The following HS2ST1 variants were observed in gnomAD, a reference collection of about 807,000 sequenced individuals.
HS2ST1 encodes the protein heparan sulfate 2-O-sulfotransferase 1.
Under a neutral mutation model 42.9 loss-of-function variants are expected in HS2ST1, and 18 were observed. The ratio of observed to expected loss-of-function variants is 0.42; its 90% confidence interval spans 0.29 to 0.62. HS2ST1 has a LOEUF of 0.62. Ranked by LOEUF, HS2ST1 falls within the 20% of genes least tolerant of loss-of-function variation. HS2ST1 has a pLI of 0.21. For synonymous variants in HS2ST1, 146 were observed against 152.9 expected (o/e 0.95, Z 0.33); for missense variants, 334 against 433.8 (o/e 0.77, Z 2.04).
intron 1 of HS2ST1, among the ~76,000 whole-genome samples, chr1:87,069,532 T>C (rs979912988): frequency 6.6e-6 from 1 of 152,356 alleles, no homozygotes; most frequent in East Asian, 1.9e-4. Flanking sequence ...AGAAGAAAGA[T>C]AGTAATTTAT....
intron 1 of HS2ST1, among the ~76,000 whole-genome samples, chr1:86,954,251 A>G (rs193055721): frequency 1.4e-3 from 210 of 152,088 alleles, no homozygotes; most frequent in African/African-American, 4.7e-3. Flanking sequence ...TGGGAGGCTG[A>G]GGCAGGAGAA....
At chr1:86,998,191 A>T (rs565136824) in intron 1 of HS2ST1, among the ~76,000 whole-genome samples, 87 of 152,332 alleles carry the variant, frequency 5.7e-4, no homozygotes, top group African/African-American at 2.1e-3. Flanking sequence ...GTTCTTATAT[A>T]TAAACAGCTT....
chr1:86,949,880 T>C (rs1647453267), intron 1 of HS2ST1, among the ~76,000 whole-genome samples: 1 of 152,218 alleles, frequency 6.6e-6, no homozygotes, highest in Non-Finnish European at 1.5e-5. Context: ...GCAGTTGTGC[T>C]TTTCAGGAGA....
At chr1:86,998,397 T>C (rs866254605) in intron 1 of HS2ST1, among the ~76,000 whole-genome samples, 2 of 152,208 alleles carry the variant, frequency 1.3e-5, no homozygotes, top group African/African-American at 4.8e-5. Context: ...GTCTCAAATA[T>C]GCTTGTCTAA....
chr1:87,004,093 A>G (rs1486507339), intron 1 of HS2ST1, among the ~76,000 whole-genome samples: 2 of 152,232 alleles, frequency 1.3e-5, no homozygotes, highest in Non-Finnish European at 2.9e-5. Flanking sequence ...GATTCAAAAA[A>G]TATTTACTGA....
chr1:87,044,723 T>C (rs1209574216), intron 1 of HS2ST1, among the ~76,000 whole-genome samples: 11 of 152,050 alleles, frequency 7.2e-5, no homozygotes, highest in Non-Finnish European at 1.6e-4. Flanking sequence ...GTTCAAAGGG[T>C]TTTTAAAGCT....
At chr1:86,983,671 G>A (rs967150489) in intron 1 of HS2ST1, among the ~76,000 whole-genome samples, 4 of 151,952 alleles carry the variant, frequency 2.6e-5, no homozygotes, top group African/African-American at 9.7e-5. Flanking sequence ...ACAACAATAC[G>A]GTATATTGCC....
chr1:87,021,596 C>T (rs894218115), intron 1 of HS2ST1, among the ~76,000 whole-genome samples: 1 of 152,214 alleles, frequency 6.6e-6, no homozygotes, highest in Non-Finnish European at 1.5e-5. Context: ...CTCACTACAA[C>T]CTTGAGTTTC....
At chr1:86,990,824 ATATATATATATATTTT>A (rs1570468529) in intron 1 of HS2ST1, among the ~76,000 whole-genome samples, 1 of 16,748 alleles carries the variant, frequency 6.0e-5, no homozygotes, top group Non-Finnish European at 2.5e-4. Flanking sequence ...ATATATATAT[ATATATATATATATTTT>A]TTTTTTTTTT....
rs145286319 is a variant in HS2ST1 at position 86,960,227 on chromosome 1, C to CAAAAAAA, written c.124+45078_124+45084dup. On this transcript the variant is annotated intron_variant, in intron 1 of 6. Transcript: ENST00000370550. ...GATATCTCATTCCCCTCCACGCCAC[C>CAAAAAAA]AAAAAAAAAAAAAAAAAGAATCTTG... is the stretch of plus-strand genomic sequence containing the variant. 2.3e-5 allele frequency among the ~76,000 whole-genome samples: 3 copies of CAAAAAAA among 131,450 alleles called. 1 individual carries two copies. Among genetic ancestry groups the CAAAAAAA allele is most frequent in the Non-Finnish European group, 4.8e-5 (3 of 63,056 alleles). The allele number at this position is 131,450 out of a possible 152,430, so 86.2% of individuals were successfully genotyped here.
At chr1:87,101,149 GTTTTT>G (rs1177785858) in intron 5 of HS2ST1, among the ~76,000 whole-genome samples, 66 of 59,558 alleles carry the variant, frequency 1.1e-3, no homozygotes, top group African/African-American at 2.9e-3. Flanking sequence ...GTGTGTGTGT[GTTTTT>G]TGTTTTTTTT....
chr1:86,964,123 CG>C (rs1647960410), intron 1 of HS2ST1, among the ~76,000 whole-genome samples: 1 of 150,132 alleles, frequency 6.7e-6, no homozygotes, highest in Non-Finnish European at 1.5e-5. Context: ...GATGGGCAGC[CG>C]GGCAGAGACG....
chr1:87,046,470 C>T (rs1370644743), intron 1 of HS2ST1: 5 of 1,102,108 alleles, frequency 4.5e-6, no homozygotes, highest in Non-Finnish European at 7.0e-6. Context: ...CGTATTTCCA[C>T]TAAGGAATGG....
At chr1:87,031,942 T>C (rs1650250212) in intron 1 of HS2ST1, among the ~76,000 whole-genome samples, 1 of 152,222 alleles carries the variant, frequency 6.6e-6, no homozygotes, top group Admixed American at 6.5e-5. Context: ...TTATGACTAA[T>C]ATTTTATGGC....
intron 1 of HS2ST1, among the ~76,000 whole-genome samples, chr1:87,041,268 C>T (rs1431179928): frequency 6.9e-6 from 1 of 144,028 alleles, no homozygotes; most frequent in Non-Finnish European, 1.5e-5. Flanking sequence ...TGCACCTGTA[C>T]TCCTAGCTAC....
At chr1:86,932,109 T>C (rs917125499) in intron 1 of HS2ST1, 1 of 152,084 alleles carries the variant, frequency 6.6e-6, no homozygotes, top group African/African-American at 2.4e-5. Context: ...AGTTGAGTAT[T>C]ATAAGTTATG....
At chr1:87,043,057 A>C (rs1038767088) in intron 1 of HS2ST1, among the ~76,000 whole-genome samples, 6 of 152,092 alleles carry the variant, frequency 3.9e-5, no homozygotes, top group African/African-American at 1.4e-4. Context: ...TGCCAGAGAA[A>C]TAACAGACAC....
chr1:86,981,969 G>GA (rs1283580786), intron 1 of HS2ST1, among the ~76,000 whole-genome samples: 11 of 152,222 alleles, frequency 7.2e-5, no homozygotes, highest in Non-Finnish European at 4.4e-5. Context: ...CTTCTGCCTG[G>GA]CCATCCAAGT....
chr1:86,983,738 T>TA (rs35342652), intron 1 of HS2ST1, among the ~76,000 whole-genome samples: 9,385 of 146,112 alleles, frequency 0.064, 610 homozygotes, highest in African/African-American at 0.17. Context: ...GGTGCTTATT[T>TA]AAAAAAAAAA....
Sources: gnomAD v4.1 joint callset for allele counts (sites outside exome capture counted in the v4.1 genomes callset) on GRCh38, gnomAD v4.1.1 for gene constraint, MANE v1.5 for transcripts, NCBI Gene and HGNC (gene_info 2026-07-23, HGNC 2026-07-21) for gene names.